Variants in PRP4K observed in about 807,000 individuals in gnomAD.
PRP4K encodes the protein serine/threonine-protein kinase PRP4 homolog.
chr6:4,055,124 T>C, the PRP4K span, among the ~76,000 whole-genome samples: 2 of 152,164 alleles, frequency 1.3e-5, no homozygotes, highest in African/African-American at 4.8e-5. Flanking sequence ...ACATTCCTCA[T>C]GACAGGAGCA....
the PRP4K span, among the ~76,000 whole-genome samples, chr6:4,045,692 AGAT>A: frequency 1.3e-5 from 2 of 152,224 alleles, no homozygotes; most frequent in African/African-American, 4.8e-5. Flanking sequence ...TATACACATT[AGAT>A]ATCAGTATGA....
the PRP4K span, chr6:4,021,323 G>C: frequency 5.4e-6 from 8 of 1,484,698 alleles, no homozygotes; most frequent in African/African-American, 9.7e-5. Flanking sequence ...TCCCTACACG[G>C]TCGGCACATG....
the PRP4K span, among the ~76,000 whole-genome samples, chr6:4,025,053 T>A: frequency 4.6e-5 from 7 of 152,252 alleles, no homozygotes; most frequent in Admixed American, 4.6e-4. Context: ...TCACCTTTGC[T>A]TCCAAATAAT....
At chr6:4,038,930 CTT>C in the PRP4K span, among the ~76,000 whole-genome samples, 1 of 65,440 alleles carries the variant, frequency 1.5e-5, no homozygotes, top group Non-Finnish European at 3.2e-5. Context: ...TTTTTTTTTT[CTT>C]TCTTTCTTTC....
At chr6:4,032,357 A>G in the PRP4K span, 15 of 1,614,070 alleles carry the variant, frequency 9.3e-6, no homozygotes, top group Non-Finnish European at 1.2e-5. Flanking sequence ...CCCCAATTAT[A>G]AATGAAAGTA....
the PRP4K span, among the ~76,000 whole-genome samples, chr6:4,034,947 G>A: frequency 0.017 from 2,542 of 151,830 alleles, 69 homozygotes; most frequent in African/African-American, 0.058. Context: ...TTCTGACCTC[G>A]TGATCCGCCC....
chr6:4,060,391 G>T, the PRP4K span: 1 of 1,599,180 alleles, frequency 6.3e-7, no homozygotes, highest in African/African-American at 1.3e-5. This position sits in a 1 kb window ranked among gnomAD's most constrained non-coding sequence, Gnocchi z 4.7. Flanking sequence ...TTAGAGATAC[G>T]CATTTTAAAA....
chr6:4,029,790 A>T, the PRP4K span, among the ~76,000 whole-genome samples: 2 of 152,102 alleles, frequency 1.3e-5, no homozygotes, highest in African/African-American at 4.8e-5. Flanking sequence ...AGTTTAGGTG[A>T]TCCTTCAGTG....
At chr6:4,047,376 C>A in the PRP4K span, 1 of 806,630 alleles carries the variant, frequency 1.2e-6, no homozygotes, top group Non-Finnish European at 1.9e-6. Context: ...TGAAAGGAAT[C>A]TGAAAACTCT....
At chr6:4,028,893 A>G in the PRP4K span, among the ~76,000 whole-genome samples, 1 of 152,212 alleles carries the variant, frequency 6.6e-6, no homozygotes, top group Non-Finnish European at 1.5e-5. Context: ...TGGCTAGACA[A>G]CGTACTTTTG....
chr6:4,038,150 TAATA>T, the PRP4K span, among the ~76,000 whole-genome samples: 10 of 152,162 alleles, frequency 6.6e-5, no homozygotes, highest in South Asian at 4.1e-4. Flanking sequence ...TTAATTGAAG[TAATA>T]AATGAATATA....
At chr6:4,024,108 G>T in the PRP4K span, among the ~76,000 whole-genome samples, 3 of 151,940 alleles carry the variant, frequency 2.0e-5, no homozygotes, top group Non-Finnish European at 1.5e-5. Context: ...CTCGTGATCC[G>T]CCCACCTCAG....
the PRP4K span, among the ~76,000 whole-genome samples, chr6:4,023,378 G>A: frequency 6.6e-6 from 1 of 151,920 alleles, no homozygotes; most frequent in Non-Finnish European, 1.5e-5. Flanking sequence ...TGATGAAACT[G>A]AAACACAGAG....
the PRP4K span, chr6:4,058,797 G>T: frequency 6.2e-7 from 1 of 1,610,850 alleles, no homozygotes; most frequent in South Asian, 1.1e-5. Context: ...CATAGAAGTT[G>T]ATAAAGTAAC....
chr6:4,031,610 A>C, the PRP4K span: 2 of 1,587,784 alleles, frequency 1.3e-6, no homozygotes, highest in African/African-American at 2.7e-5. Context: ...ATGGAGAAGT[A>C]TCAGAAGACC....
chr6:4,031,050 C>A, the PRP4K span, among the ~76,000 whole-genome samples: 1,791 of 152,200 alleles, frequency 0.012, 37 homozygotes, highest in African/African-American at 0.041. Flanking sequence ...AAACAAGTGA[C>A]CTGCTGGGTT....
chr6:4,032,077 G>C, the PRP4K span: 1 of 1,613,852 alleles, frequency 6.2e-7, no homozygotes, highest in Non-Finnish European at 8.5e-7. Flanking sequence ...AGTAAAAGCA[G>C]ATCCAAAGAA....
chr6:4,043,067 T>C, the PRP4K span, among the ~76,000 whole-genome samples: 1 of 152,240 alleles, frequency 6.6e-6, no homozygotes, highest in Non-Finnish European at 1.5e-5. Context: ...TACAAAGATC[T>C]TGATACAGCC....
chr6:4,055,005 G>A, the PRP4K span, among the ~76,000 whole-genome samples: 8 of 152,106 alleles, frequency 5.3e-5, no homozygotes, highest in South Asian at 1.0e-3. Context: ...ATGTTTTCCC[G>A]TCTTCCTGGG....
Sources: gnomAD v4.1 joint callset for allele counts (sites outside exome capture counted in the v4.1 genomes callset) on GRCh38, gnomAD v4.1.1 for gene constraint, Gnocchi (gnomAD v3.1) non-coding constraint, MANE v1.5 for transcripts, NCBI Gene and HGNC (gene_info 2026-07-23, HGNC 2026-07-21) for gene names.